The following FARS2 variants were observed in gnomAD, a reference collection of about 807,000 sequenced individuals.
FARS2 encodes the protein phenylalanine--tRNA ligase, mitochondrial.
In FARS2, 40 loss-of-function variants were observed where a neutral mutation model predicts 46.4. The observed-to-expected ratio is 0.86, with a 90% CI of 0.67 to 1.12. FARS2 has a LOEUF of 1.12. Among genes scored for constraint, FARS2 ranks in the 50% most tolerant of loss-of-function variants. The probability of loss-of-function intolerance (pLI) is 0.00; values close to 1 mark genes in which losing one functional copy is unlikely to be tolerated. For missense variants in FARS2, 513 were observed against 567.9 expected (o/e 0.90, Z 0.98); for synonymous variants, 234 against 214.9 (o/e 1.09, Z -0.78).
At chr6:5,431,009 A>C in intron 3 of FARS2, 32 bp from the exon 4 acceptor site, 1 of 1,606,600 alleles carries the variant, frequency 6.2e-7, no homozygotes, top group Admixed American at 1.7e-5. Flanking sequence ...GCTATTTAAC[A>C]CTACTTATTT....
At chr6:5,577,075 G>T (rs968308358) in intron 5 of FARS2, among the ~76,000 whole-genome samples, 10 of 102,756 alleles carry the variant, frequency 9.7e-5, no homozygotes, top group Non-Finnish European at 1.6e-4. Context: ...TTACCAGAAA[G>T]AGACTGTAAA....
intron 1 of FARS2, among the ~76,000 whole-genome samples, chr6:5,268,818 A>C (rs534495087): frequency 6.6e-6 from 1 of 152,220 alleles, no homozygotes; most frequent in East Asian, 1.9e-4. Context: ...CACGATATTG[A>C]TTCTTCCTAT....
chr6:5,591,018 A>G (rs186338954), intron 5 of FARS2, among the ~76,000 whole-genome samples: 4 of 149,874 alleles, frequency 2.7e-5, no homozygotes, highest in African/African-American at 9.7e-5. Flanking sequence ...AATCACATAT[A>G]AAAAACACAC....
chr6:5,268,763 G>A (rs562607529), intron 1 of FARS2, among the ~76,000 whole-genome samples: 9 of 152,250 alleles, frequency 5.9e-5, no homozygotes, highest in African/African-American at 1.7e-4. Context: ...GCTTGATGGG[G>A]ATGGCACTGA....
chr6:5,517,853 G>C (rs573854003), intron 4 of FARS2, among the ~76,000 whole-genome samples: 1 of 152,010 alleles, frequency 6.6e-6, no homozygotes, highest in East Asian at 1.9e-4. Context: ...TCCTATTCAA[G>C]TTACACTCTA....
rs567365928 is a variant in FARS2 at position 5,375,267 on chromosome 6, A to G, written c.612+6085A>G. 1.5e-4 allele frequency among the ~76,000 whole-genome samples: 23 copies of G among 152,234 alleles called. No individual in the cohort carries two copies. In the South Asian group the frequency reaches 2.9e-3, roughly 19 times the overall value. On this transcript the variant is annotated intron_variant, in intron 2 of 6. Transcript: ENST00000274680. The stretch of plus-strand genomic sequence containing the variant: ...TATAGAAAAATTAATGTTTTTATCC[A>G]TAAGTAAGAACCAATTACCAAATAT...
chr6:5,314,339 C>A (rs1180714733), intron 1 of FARS2, among the ~76,000 whole-genome samples: 2 of 151,850 alleles, frequency 1.3e-5, no homozygotes, highest in Non-Finnish European at 2.9e-5. Context: ...ATGGATGGGA[C>A]AGGTGTGTGG....
intron 4 of FARS2, among the ~76,000 whole-genome samples, chr6:5,508,571 G>A (rs1383090976): frequency 1.3e-5 from 2 of 152,254 alleles, no homozygotes; most frequent in African/African-American, 4.8e-5. Context: ...AGCCCTCCCA[G>A]CAGTGGAGGA....
At chr6:5,440,651 A>G (rs1302445157) in intron 4 of FARS2, among the ~76,000 whole-genome samples, 2 of 152,160 alleles carry the variant, frequency 1.3e-5, no homozygotes, top group African/African-American at 4.8e-5. Flanking sequence ...TACTCTTTAC[A>G]TTTAACAGGA....
At chr6:5,263,468 T>C (rs1471493808) in intron 1 of FARS2, among the ~76,000 whole-genome samples, 2 of 152,182 alleles carry the variant, frequency 1.3e-5, no homozygotes, top group Non-Finnish European at 2.9e-5. Flanking sequence ...TAAAAGAAAA[T>C]AATCATTCCG....
intron 3 of FARS2, among the ~76,000 whole-genome samples, chr6:5,427,404 G>A (rs1450062694): frequency 6.6e-6 from 1 of 152,230 alleles, no homozygotes; most frequent in Non-Finnish European, 1.5e-5. Context: ...GTCTATTTAT[G>A]TGAAAGAGGC....
chr6:5,518,998 C>G (rs1022563320), intron 4 of FARS2, among the ~76,000 whole-genome samples: 2 of 152,028 alleles, frequency 1.3e-5, no homozygotes, highest in Admixed American at 6.5e-5. Flanking sequence ...CCATTTTGCA[C>G]AAAATAGGTG....
chr6:5,417,003 T>C (rs1762278192), intron 3 of FARS2, among the ~76,000 whole-genome samples: 1 of 152,218 alleles, frequency 6.6e-6, no homozygotes. Context: ...GATATTTAAA[T>C]AGTAAGAAAA....
chr6:5,689,748 T>C (rs1757544405), intron 6 of FARS2, among the ~76,000 whole-genome samples: 1 of 152,214 alleles, frequency 6.6e-6, no homozygotes, highest in Non-Finnish European at 1.5e-5. Context: ...AGTTCCTGGA[T>C]ATGCTTGTTA....
chr6:5,434,054 G>T (rs1400513436), intron 4 of FARS2, among the ~76,000 whole-genome samples: 1 of 152,174 alleles, frequency 6.6e-6, no homozygotes, highest in African/African-American at 2.4e-5. Context: ...GAGATTCGCA[G>T]TGATGGTAGG....
intron 1 of FARS2, among the ~76,000 whole-genome samples, chr6:5,326,222 G>C (rs1770369768): frequency 6.6e-6 from 1 of 152,126 alleles, no homozygotes; most frequent in Admixed American, 6.5e-5. Flanking sequence ...TTTGCCTCCT[G>C]TTCCCTCTGA....
In FARS2 at chr6:5,704,959, G is replaced by A. The variant is rs534930453; in HGVS notation, c.1218-66332G>A. 3.3e-5 allele frequency among the ~76,000 whole-genome samples: 5 copies of A among 152,292 alleles called. No individual in the cohort carries two copies. In the East Asian group the frequency reaches 9.6e-4, roughly 29 times the overall value. On this transcript the variant is annotated intron_variant, in intron 6 of 6. Transcript: ENST00000274680. ...ATAAATGAGGTAATACATGTGGCAT[G>A]CTTGTGTACATGTTGATGTGCTGTC...
At chr6:5,357,267 A>T (rs559156712) in intron 1 of FARS2, among the ~76,000 whole-genome samples, 1 of 152,324 alleles carries the variant, frequency 6.6e-6, no homozygotes, top group East Asian at 1.9e-4. Flanking sequence ...ATCTTTTCTT[A>T]GCTAAACAGT....
chr6:5,363,845 G>A (rs1156658339), intron 1 of FARS2, among the ~76,000 whole-genome samples: 6 of 152,030 alleles, frequency 3.9e-5, no homozygotes, highest in Non-Finnish European at 8.8e-5. Flanking sequence ...CTTGCTCTTA[G>A]CCTCCCATGG....
Sources: gnomAD v4.1 joint callset for allele counts (sites outside exome capture counted in the v4.1 genomes callset) on GRCh38, gnomAD v4.1.1 for gene constraint, MANE v1.5 for transcripts, NCBI Gene and HGNC (gene_info 2026-07-23, HGNC 2026-07-21) for gene names.